RPH3A: variants seen among roughly 807,000 people sequenced by gnomAD.
RPH3A encodes the protein rabphilin 3A, also known as rabphilin-3A.
A neutral mutation model predicts 102.2 loss-of-function variants in RPH3A; 48 were observed. The observed-to-expected ratio is 0.47, with a 90% CI of 0.37 to 0.60. The LOEUF is 0.60. Ranked by LOEUF, RPH3A falls within the 20% of genes least tolerant of loss-of-function variation. The pLI, the probability that RPH3A is intolerant of heterozygous loss-of-function variation, is 0.00. For missense variants in RPH3A, 781 were observed against 910.1 expected (o/e 0.86, Z 1.83); for synonymous variants, 310 against 324.3 (o/e 0.96, Z 0.47).
chr12:112,887,861 C>T lies in RPH3A; in HGVS notation c.1501C>T (p.Leu501Phe). 2 of 1,613,958 alleles carry T rather than the reference C, an allele frequency of 1.2e-6. No individual in the cohort carries two copies. The highest frequency in any genetic ancestry group is 1.7e-6 in the Non-Finnish European group (2 of 1,179,870). ...ATTTATTGGTGAGACCAGATTCTCC[C>T]TCAAGAAACTGAAGCCCAACCAGAG... is the stretch of plus-strand genomic sequence containing the variant. ...NEFIGETRFSLKKLKPNQRKN... is the reference protein window; with the variant it reads ...NEFIGETRFSFKKLKPNQRKN... The change falls in exon 17 of 22, where the codon CTC becomes TTC. Residue 501 changes from leucine to phenylalanine, a missense_variant. Coordinates refer to ENST00000389385, the MANE Select transcript of RPH3A (RefSeq NM_001143854.2).
At chr12:112,807,678 A>G (rs1015333172) in intron 2 of RPH3A, among the ~76,000 whole-genome samples, 2 of 152,180 alleles carry the variant, frequency 1.3e-5, no homozygotes, top group African/African-American at 4.8e-5. Context: ...CTCAGTAAAC[A>G]TTAGTCACTC....
chr12:112,640,432 G>T (rs1296915292), intron 1 of RPH3A, among the ~76,000 whole-genome samples: 1 of 149,750 alleles, frequency 6.7e-6, no homozygotes, highest in Admixed American at 6.7e-5. Context: ...AATAACTAGG[G>T]GCTTATTAAT....
At chr12:112,720,311 C>A (rs1053360144) in intron 1 of RPH3A, among the ~76,000 whole-genome samples, 4 of 152,202 alleles carry the variant, frequency 2.6e-5, no homozygotes, top group African/African-American at 7.2e-5. Flanking sequence ...TCAAGCTAGG[C>A]ATCTGAACAT....
At chr12:112,660,221 A>G (rs2040040420) in intron 1 of RPH3A, among the ~76,000 whole-genome samples, 1 of 152,208 alleles carries the variant, frequency 6.6e-6, no homozygotes, top group Non-Finnish European at 1.5e-5. Context: ...ATCAATGTAC[A>G]TCAGTCTATA....
intron 2 of RPH3A, among the ~76,000 whole-genome samples, chr12:112,818,911 A>C (rs940074059): frequency 6.6e-6 from 1 of 152,102 alleles, no homozygotes; most frequent in Admixed American, 6.5e-5. Flanking sequence ...TCTGCCCTCA[A>C]ATAACACTAA....
intron 1 of RPH3A, among the ~76,000 whole-genome samples, chr12:112,593,849 C>G (rs901964487): frequency 4.6e-5 from 7 of 152,170 alleles, no homozygotes; most frequent in Non-Finnish European, 5.9e-5. Flanking sequence ...GACTTTAATG[C>G]CACCTCCTCA....
At chr12:112,875,618 G>C in intron 11 of RPH3A, 61 bp from the exon 12 acceptor site, 1 of 1,429,592 alleles carries the variant, frequency 7.0e-7, no homozygotes, top group Non-Finnish European at 9.9e-7. Context: ...AGGAAAAGGT[G>C]AACCCCCAAA....
chr12:112,736,633 A>G (rs1033072620), intron 1 of RPH3A, among the ~76,000 whole-genome samples: 21 of 152,210 alleles, frequency 1.4e-4, no homozygotes, highest in South Asian at 1.0e-3. Flanking sequence ...GGGACTGTGC[A>G]TATTAAATGC....
chr12:112,843,533 T>C (rs2042180748), intron 4 of RPH3A, among the ~76,000 whole-genome samples: 2 of 152,198 alleles, frequency 1.3e-5, no homozygotes, highest in Admixed American at 1.3e-4. Context: ...TCTGGAGCCA[T>C]GTGCGTTCAG....
intron 1 of RPH3A, among the ~76,000 whole-genome samples, chr12:112,593,528 AG>A (rs2039493627): frequency 6.6e-6 from 1 of 152,200 alleles, no homozygotes; most frequent in African/African-American, 2.4e-5. Context: ...TGTCTAGAAA[AG>A]CTCTTGACAG....
chr12:112,755,186 A>T (rs1356747215), intron 1 of RPH3A, among the ~76,000 whole-genome samples: 4 of 152,102 alleles, frequency 2.6e-5, no homozygotes, highest in African/African-American at 9.7e-5. Flanking sequence ...CTTACCTTTT[A>T]TTCATCTAGT....
At chr12:112,849,845 TCTGA>T (rs1182311236) in intron 5 of RPH3A, among the ~76,000 whole-genome samples, 3 of 152,216 alleles carry the variant, frequency 2.0e-5, no homozygotes, top group Admixed American at 2.0e-4. Context: ...GGGAAAGTAC[TCTGA>T]CTGGCTTATG....
intron 1 of RPH3A, among the ~76,000 whole-genome samples, chr12:112,650,507 T>A (rs1018205216): frequency 6.6e-6 from 1 of 152,230 alleles, no homozygotes; most frequent in African/African-American, 2.4e-5. Flanking sequence ...TCTTGCACAA[T>A]GAGGGATGAT....
At chr12:112,617,789 C>T (rs1325773467) in intron 1 of RPH3A, 1 of 152,266 alleles carries the variant, frequency 6.6e-6, no homozygotes, top group African/African-American at 2.4e-5. Context: ...AGCCTCGACC[C>T]CCTAGGCTCA....
At chr12:112,890,621 T>C (rs943328433) in intron 18 of RPH3A, among the ~76,000 whole-genome samples, 1 of 152,206 alleles carries the variant, frequency 6.6e-6, no homozygotes, top group African/African-American at 2.4e-5. Flanking sequence ...AGAGTCTGTT[T>C]ATGTCTAAGT....
At chr12:112,614,998 A>C (rs1297965563) in intron 1 of RPH3A, among the ~76,000 whole-genome samples, 1 of 152,116 alleles carries the variant, frequency 6.6e-6, no homozygotes, top group Non-Finnish European at 1.5e-5. Context: ...AAAGAACCCC[A>C]AAACAAAAAC....
At chr12:112,882,957 A>C (rs1186840343) in intron 15 of RPH3A, among the ~76,000 whole-genome samples, 3 of 152,190 alleles carry the variant, frequency 2.0e-5, no homozygotes, top group African/African-American at 7.2e-5. Context: ...CCCCTGCCTA[A>C]ATGGGAATGG....
At chr12:112,669,014 T>C (rs1357668464) in intron 1 of RPH3A, among the ~76,000 whole-genome samples, 1 of 152,214 alleles carries the variant, frequency 6.6e-6, no homozygotes, top group Non-Finnish European at 1.5e-5. Flanking sequence ...ACTCCTTCTC[T>C]TTCTTCTATT....
chr12:112,727,452 GACACAGACACACACACACACACACAC>G (rs2040600607), intron 1 of RPH3A, among the ~76,000 whole-genome samples: 1 of 51,734 alleles, frequency 1.9e-5, no homozygotes, highest in Non-Finnish European at 3.6e-5. Flanking sequence ...TACACACACA[GACACAGACACACACACACACACACAC>G]ACACACACAC....
Sources: allele counts gnomAD v4.1 joint callset (sites outside exome capture counted in the v4.1 genomes callset), GRCh38; gene constraint gnomAD v4.1.1; transcripts MANE v1.5; gene names NCBI Gene and HGNC (gene_info 2026-07-23, HGNC 2026-07-21).